Variants in COL4A1 observed in about 807,000 individuals in gnomAD.
COL4A1 encodes the protein collagen alpha-1(IV) chain.
COL4A1 carries 40 observed loss-of-function variants against 216.6 expected under a neutral mutation model. That is an observed-to-expected ratio of 0.18 (90% CI 0.14 to 0.24). COL4A1 has a LOEUF of 0.24. Ranked by LOEUF, COL4A1 falls within the 10% of genes least tolerant of loss-of-function variation. COL4A1 has a pLI of 1.00. For synonymous variants in COL4A1, 839 were observed against 810.7 expected (o/e 1.03, Z -0.59); for missense variants, 1,628 against 2,196.8 (o/e 0.74, Z 5.18).
intron 28 of COL4A1, 45 bp from the exon 29 acceptor site, chr13:110,181,434 C>A (rs747923807): frequency 6.6e-7 from 1 of 1,506,128 alleles, no homozygotes; most frequent in Admixed American, 1.8e-5. Context: ...ACAATCATTG[C>A]GATTACAATG....
intron 31 of COL4A1, among the ~76,000 whole-genome samples, 178 bp from the exon 32 acceptor site, chr13:110,178,409 C>G (rs1020019140): frequency 9.2e-5 from 14 of 152,220 alleles, no homozygotes; most frequent in Admixed American, 2.6e-4. Context: ...AATCAAATGG[C>G]TCTTGTTCTA....
intron 2 of COL4A1, among the ~76,000 whole-genome samples, chr13:110,240,733 G>C (rs978239502): frequency 1.3e-5 from 2 of 152,378 alleles, no homozygotes; most frequent in African/African-American, 4.8e-5. Context: ...GCTCTGAGGG[G>C]TGTTACCAGG....
At chr13:110,240,349 G>T (rs1200539947) in intron 2 of COL4A1, among the ~76,000 whole-genome samples, 1 of 152,242 alleles carries the variant, frequency 6.6e-6, no homozygotes, top group Non-Finnish European at 1.5e-5. Context: ...CCTGGCTAAG[G>T]CCACACAAGG....
At chr13:110,193,628 G>A (rs927529637) in intron 22 of COL4A1, among the ~76,000 whole-genome samples, 2 of 152,222 alleles carry the variant, frequency 1.3e-5, no homozygotes, top group African/African-American at 2.4e-5. Flanking sequence ...ACATCGAGGC[G>A]GCGTGGCCAT....
intron 28 of COL4A1, among the ~76,000 whole-genome samples, 183 bp from the exon 29 acceptor site, chr13:110,181,572 T>G (rs1319497318): frequency 6.6e-6 from 1 of 152,150 alleles, no homozygotes; most frequent in Middle Eastern, 3.2e-3. Flanking sequence ...AGGGGTCAGG[T>G]GCGTTGCTGT....
chr13:110,193,836 C>T (rs375326619), intron 22 of COL4A1, among the ~76,000 whole-genome samples: 28 of 152,302 alleles, frequency 1.8e-4, no homozygotes, highest in Non-Finnish European at 2.9e-4. Context: ...GGAAGGGGCA[C>T]GGTACAACAC....
At chr13:110,162,900 G>A (rs578058632) in intron 47 of COL4A1, among the ~76,000 whole-genome samples, 2 of 152,354 alleles carry the variant, frequency 1.3e-5, no homozygotes, top group Admixed American at 6.5e-5. Context: ...CAAAGCCTGC[G>A]TATGGAAATG....
intron 1 of COL4A1, among the ~76,000 whole-genome samples, chr13:110,282,281 C>A (rs1198372091): frequency 6.6e-6 from 1 of 152,176 alleles, no homozygotes; most frequent in African/African-American, 2.4e-5. Flanking sequence ...GGGAGTAAGA[C>A]AACCCACCTC....
intron 2 of COL4A1, among the ~76,000 whole-genome samples, chr13:110,222,771 TTAAAAAAAAAA>T (rs1161327375): frequency 1.7e-4 from 16 of 93,414 alleles, no homozygotes; most frequent in South Asian, 8.4e-4. Flanking sequence ...AGACTCTGCT[TTAAAAAAAAAA>T]AAAAAAAAAA....
chr13:110,232,743 T>C (rs1881122509), intron 2 of COL4A1, among the ~76,000 whole-genome samples: 1 of 152,176 alleles, frequency 6.6e-6, no homozygotes, highest in South Asian at 2.1e-4. Context: ...GCATGTGATC[T>C]GCCATTCGAG....
Position 110,150,151 on chromosome 13 carries a change from G to A in COL4A1, c.*212C>T. ...TTTCATCAAAAGTGCCATTTGGTATGCCACTATTGAAAGCTTATCGCTGTC... is the reference window on the plus strand; with the variant it reads ...TTTCATCAAAAGTGCCATTTGGTATACCACTATTGAAAGCTTATCGCTGTC... On this transcript the variant is annotated 3_prime_UTR_variant, in exon 52 of 52. Coordinates refer to ENST00000375820, the MANE Select transcript of COL4A1 (RefSeq NM_001845.6). 1.6e-6 allele frequency: 1 copy of A among 610,354 alleles called. No homozygotes were observed. The highest frequency in any genetic ancestry group is 1.9e-5 in the South Asian group (1 of 53,924). 37.8% of individuals were successfully genotyped at this position (610,354 alleles called of 1,614,324 possible).
chr13:110,198,949 T>G (rs1486232574), intron 20 of COL4A1, among the ~76,000 whole-genome samples: 2 of 152,232 alleles, frequency 1.3e-5, no homozygotes, highest in Non-Finnish European at 2.9e-5. Context: ...GCATTTCTAC[T>G]TGGCCAATGA....
rs545522716 is a variant in COL4A1, at chr13:110,276,756, A to G, written c.84+30188T>C. Among the ~76,000 whole-genome samples the G allele has an allele frequency of 3.9e-5, 6 of 152,278 alleles. No individual in the cohort carries two copies. In the East Asian group the frequency reaches 1.2e-3, roughly 29 times the overall value. ...TGTTGTGACCAGTTTTAATTCCACG[A>G]CTGCTACGTAATCCATACAACACAG... On this transcript the variant is annotated intron_variant, in intron 1 of 51. Transcript: ENST00000375820.
intron 2 of COL4A1, among the ~76,000 whole-genome samples, chr13:110,223,026 C>A (rs574142496): frequency 2.0e-5 from 3 of 152,050 alleles, no homozygotes; most frequent in African/African-American, 4.8e-5. Context: ...CAGGTAAATG[C>A]GGTCAGCCTA....
At chr13:110,288,271 A>AAAT (rs1555316103) in intron 1 of COL4A1, among the ~76,000 whole-genome samples, 1 of 134,708 alleles carries the variant, frequency 7.4e-6, no homozygotes, top group East Asian at 2.0e-4. Flanking sequence ...TCAAAAAAAA[A>AAAT]AAAAATAATA....
intron 26 of COL4A1, among the ~76,000 whole-genome samples, chr13:110,184,987 T>A (rs1332303079): frequency 6.6e-6 from 1 of 151,808 alleles, no homozygotes; most frequent in Non-Finnish European, 1.5e-5. Flanking sequence ...TGTATATTAA[T>A]AAGGAAATAT....
chr13:110,217,273 G>A (rs1485001763), intron 2 of COL4A1, among the ~76,000 whole-genome samples: 1 of 152,212 alleles, frequency 6.6e-6, no homozygotes, highest in African/African-American at 2.4e-5. Flanking sequence ...CACCAGGATT[G>A]TAAGAAGAGC....
chr13:110,190,706 A>T (rs1878589344), intron 24 of COL4A1: 1 of 152,248 alleles, frequency 6.6e-6, no homozygotes, highest in African/African-American at 2.4e-5. Flanking sequence ...CTTCAAATAC[A>T]GCTTCCAATA....
intron 21 of COL4A1, among the ~76,000 whole-genome samples, chr13:110,198,078 G>GTGTGTGTGTGTGTGTGTGTGTGT (rs1555305317): frequency 1.8e-4 from 25 of 141,934 alleles, no homozygotes; most frequent in East Asian, 6.3e-4. Flanking sequence ...TTGTTTCTGG[G>GTGTGTGTGTGTGTGTGTGTGTGT]GTGTGTGTGT....
Sources: gnomAD v4.1 joint callset for allele counts (sites outside exome capture counted in the v4.1 genomes callset) on GRCh38, gnomAD v4.1.1 for gene constraint, MANE v1.5 for transcripts, NCBI Gene and HGNC (gene_info 2026-07-23, HGNC 2026-07-21) for gene names.